The following CCNY variants were observed in gnomAD, a reference collection of about 807,000 sequenced individuals.
The protein encoded by CCNY is cyclin-Y.
CCNY carries 19 observed loss-of-function variants against 42.8 expected under a neutral mutation model. The observed-to-expected ratio is 0.44, with a 90% CI of 0.31 to 0.65. CCNY has a LOEUF of 0.65. Among genes scored for constraint, CCNY ranks in the 30% least tolerant of loss-of-function variants. The pLI is 0.07. For missense variants in CCNY, 370 were observed against 437.3 expected, an observed-to-expected ratio of 0.85 and a Z score of 1.37; for synonymous variants, 165 against 162.7, an observed-to-expected ratio of 1.01 and a Z score of -0.11.
At chr10:35,354,451 C>T (rs530257576) in intron 1 of CCNY, among the ~76,000 whole-genome samples, 2 of 152,276 alleles carry the variant, frequency 1.3e-5, no homozygotes, top group East Asian at 3.9e-4. Context: ...TCCCAAAGTG[C>T]TGGGATTACA....
intron 1 of CCNY, among the ~76,000 whole-genome samples, chr10:35,453,303 G>GTAT (rs1374358910): frequency 1.3e-5 from 2 of 152,182 alleles, no homozygotes; most frequent in Non-Finnish European, 2.9e-5. Flanking sequence ...AATTACAAAT[G>GTAT]TATTGAACTG....
At chr10:35,562,199 A>G (rs1166759032) in intron 8 of CCNY, among the ~76,000 whole-genome samples, 2 of 152,252 alleles carry the variant, frequency 1.3e-5, no homozygotes, top group South Asian at 2.1e-4. Flanking sequence ...ATAAGGAGAA[A>G]TCAAGTGACT....
intron 1 of CCNY, among the ~76,000 whole-genome samples, chr10:35,456,566 C>A (rs1241608067): frequency 6.6e-6 from 1 of 152,172 alleles, no homozygotes; most frequent in Non-Finnish European, 1.5e-5. Flanking sequence ...CCTTCCAAAG[C>A]TCGACAGACT....
chr10:35,424,334 C>T (rs1205633442), intron 1 of CCNY, among the ~76,000 whole-genome samples: 1 of 152,232 alleles, frequency 6.6e-6, no homozygotes, highest in Admixed American at 6.5e-5. Flanking sequence ...TCAAGCGATT[C>T]TCCTGCCTCA....
intron 1 of CCNY, among the ~76,000 whole-genome samples, chr10:35,413,328 A>G (rs113146221): frequency 0.053 from 8,057 of 152,224 alleles, 317 homozygotes; most frequent in African/African-American, 0.11. Flanking sequence ...GTGGTGAGTC[A>G]GTGGATATTG....
At chr10:35,376,364 G>A (rs1436679806) in intron 1 of CCNY, among the ~76,000 whole-genome samples, 2 of 152,200 alleles carry the variant, frequency 1.3e-5, no homozygotes, top group East Asian at 3.8e-4. Context: ...ATACACAAAT[G>A]TACACAGCAT....
rs190343056 is a variant in CCNY at position 35,315,059 on chromosome 10, C to A, written c.-9+64433C>A. 4.6e-5 allele frequency: 7 copies of A among 152,186 alleles called. No individual in the cohort carries two copies. In the South Asian group the frequency reaches 6.2e-4, roughly 14 times the overall value. The allele number at this position is 152,186 out of a possible 1,614,324, so 9.4% of individuals were successfully genotyped here. On this transcript the variant is annotated intron_variant, in intron 3 of 11. Coordinates refer to the CCNY transcript ENST00000374706. The stretch of plus-strand genomic sequence containing the variant: ...TTGCGCCACCGCACTCCAGCCTGGG[C>A]AACAAGAGCAAAACTCCGTCTCAAA...
chr10:35,508,241 A>C (rs1301105189), intron 3 of CCNY, among the ~76,000 whole-genome samples: 1 of 152,038 alleles, frequency 6.6e-6, no homozygotes, highest in African/African-American at 2.4e-5. Flanking sequence ...CCATCTGTCC[A>C]TCTGTCTGTC....
At chr10:35,429,219 G>C (rs1838332851) in intron 1 of CCNY, among the ~76,000 whole-genome samples, 1 of 152,192 alleles carries the variant, frequency 6.6e-6, no homozygotes, top group Non-Finnish European at 1.5e-5. Context: ...GCAGACAGGG[G>C]AACCTAGTTG....
At chr10:35,335,778 T>C (rs1836009735), upstream of CCNY, 1 of 150,484 alleles carries the variant, frequency 6.6e-6, no homozygotes. Flanking sequence ...ATCCCATCTC[T>C]ACAAAAAGTT....
intron 8 of CCNY, among the ~76,000 whole-genome samples, chr10:35,559,836 C>T (rs541329282): frequency 1.8e-4 from 28 of 152,354 alleles, no homozygotes; most frequent in African/African-American, 5.1e-4. Context: ...GAGGCTGTTT[C>T]CTCCTTGGCT....
At chr10:35,382,929 TAG>T (rs2135196030) in intron 1 of CCNY, among the ~76,000 whole-genome samples, 1 of 152,276 alleles carries the variant, frequency 6.6e-6, no homozygotes, top group East Asian at 1.9e-4. Context: ...TCATGACCAG[TAG>T]AGAGTCAACC....
Position 35,501,512 on chromosome 10 carries a change from C to T in CCNY, c.241C>T (p.Arg81Cys), listed in dbSNP as rs1473002179. Reference protein sequence around the residue: ...SKSQTDVREKRKSLFINHHPP... With the variant: ...SKSQTDVREKCKSLFINHHPP... ...TTTTGTTTTCACAGTGAGAGAAAAA[C>T]GCAAGAGTCTCTTCATTAACCATGT... Residue 81 changes from arginine to cysteine, a missense_variant, in exon 3 of 10, where the codon CGC becomes TGC. This residue lies in a region of CCNY where 136 missense variants were observed against 124.2 expected (regional missense o/e 1.09). Transcript: ENST00000374704. The T allele has an allele frequency of 6.2e-6, 10 of 1,613,730 alleles. No individual in the cohort carries two copies. Among genetic ancestry groups the T allele is most frequent in the Admixed American group, 5.0e-5 (3 of 60,000 alleles).
chr10:35,417,861 A>G (rs1279486673), intron 1 of CCNY, among the ~76,000 whole-genome samples: 1 of 152,186 alleles, frequency 6.6e-6, no homozygotes, highest in Non-Finnish European at 1.5e-5. Context: ...GTGAAGAGGA[A>G]GCTACCAGGA....
chr10:35,563,359 G>A (rs765686109), intron 8 of CCNY, among the ~76,000 whole-genome samples: 2 of 152,178 alleles, frequency 1.3e-5, no homozygotes, highest in African/African-American at 4.8e-5. Flanking sequence ...TTTGCTCGTA[G>A]TGTCTGCCTC....
At chr10:35,257,339 C>T (rs1354473342) in intron 3 of CCNY, among the ~76,000 whole-genome samples, 3 of 145,100 alleles carry the variant, frequency 2.1e-5, no homozygotes, top group South Asian at 2.2e-4. Context: ...GACAGGATCT[C>T]GCTATGTTAC....
At chr10:35,351,598 A>G (rs1275328254) in intron 1 of CCNY, among the ~76,000 whole-genome samples, 1 of 152,224 alleles carries the variant, frequency 6.6e-6, no homozygotes, top group African/African-American at 2.4e-5. Flanking sequence ...GTTTTATACT[A>G]CTTACATAGT....
At chr10:35,460,427 T>C (rs546211118) in intron 1 of CCNY, among the ~76,000 whole-genome samples, 15 of 150,010 alleles carry the variant, frequency 1.0e-4, no homozygotes, top group East Asian at 1.9e-4. Flanking sequence ...CTGGGCCACA[T>C]TGGAAGAAGA....
intron 1 of CCNY, among the ~76,000 whole-genome samples, chr10:35,388,152 G>A (rs1837336682): frequency 6.6e-6 from 1 of 152,200 alleles, no homozygotes; most frequent in Non-Finnish European, 1.5e-5. Context: ...GGCCAGGGGT[G>A]GGCTGTCTTC....
Sources: allele counts gnomAD v4.1 joint callset (sites outside exome capture counted in the v4.1 genomes callset), GRCh38; gene constraint gnomAD v4.1.1; regional missense constraint gnomAD v4.1.1; transcripts MANE v1.5; gene names NCBI Gene and HGNC (gene_info 2026-07-23, HGNC 2026-07-21).